Variants in NUP88 observed in about 807,000 individuals in gnomAD.
NUP88 encodes the protein nuclear pore complex protein Nup88.
A neutral mutation model predicts 93.9 loss-of-function variants in NUP88; 57 were observed. That is an observed-to-expected ratio of 0.61 (90% CI 0.49 to 0.76). The LOEUF is 0.76. NUP88 is among the 30% of genes least tolerant of loss of function. The probability of loss-of-function intolerance (pLI) is 0.00; values close to 1 mark genes in which losing one functional copy is unlikely to be tolerated. For missense variants in NUP88, 911 were observed against 901.0 expected, an observed-to-expected ratio of 1.01 and a Z score of -0.14; for synonymous variants, 346 against 336.8, an observed-to-expected ratio of 1.03 and a Z score of -0.30.
At chr17:5,395,959 C>T (rs1480771147) in intron 8 of NUP88, among the ~76,000 whole-genome samples, 1 of 152,072 alleles carries the variant, frequency 6.6e-6, no homozygotes, top group Non-Finnish European at 1.5e-5. Flanking sequence ...CCTGTAATTC[C>T]CAGCACTTTC....
In NUP88 at chr17:5,410,109, CTTAGA is replaced by C. The variant is rs918504389; in HGVS notation, c.680+589_680+593del. Among the ~76,000 whole-genome samples the C allele has an allele frequency of 1.3e-4, 20 of 152,280 alleles. 1 individual carries two copies. Among genetic ancestry groups the C allele is most frequent in the East Asian group, 1.9e-4 (1 of 5,188 alleles). ...ATCTGATTAAACTGATCTGATTAAA[CTTAGA>C]TTAAAGTAGAATGATGTGATTAAAC... is the stretch of plus-strand genomic sequence containing the variant. On this transcript the variant is annotated intron_variant, in intron 4 of 16. Coordinates refer to ENST00000573584, the MANE Select transcript of NUP88 (RefSeq NM_002532.6).
At chr17:5,387,190 G>A in intron 14 of NUP88, 80 bp from the exon 15 acceptor site, 1 of 1,510,134 alleles carries the variant, frequency 6.6e-7, no homozygotes, top group East Asian at 2.3e-5. Context: ...CATAATTCAT[G>A]AATCTGGTGT....
rs1223454606 is a variant in NUP88, at chr17:5,385,998, C to A, written c.*208G>T. 3.9e-6 allele frequency: 2 copies of A among 514,224 alleles called. No homozygotes were observed. The allele number at this position is 514,224 out of a possible 1,614,324, so 31.9% of individuals were successfully genotyped here. A position where few individuals can be genotyped will look rare whatever the true frequency, so the allele number is the denominator to read the frequency against. On this transcript the variant is annotated 3_prime_UTR_variant, in exon 17 of 17. Transcript: ENST00000573584. ...AATAATCCTGAGTCCTTGCTGAACA[C>A]AACTGTAGGCTTGAGTTATAAAGCA...
At chr17:5,416,818 C>T (rs1914179801) in intron 1 of NUP88, 136 bp from the exon 2 acceptor site, 1 of 657,470 alleles carries the variant, frequency 1.5e-6, no homozygotes, top group African/African-American at 2.0e-5. Flanking sequence ...CACACTTGTA[C>T]CATTAACTCA....
intron 1 of NUP88, chr17:5,418,144 CA>C (rs112597300): frequency 0.51 from 62,715 of 122,602 alleles, 13,872 homozygotes; most frequent in East Asian, 0.83. Flanking sequence ...AACTCCATCT[CA>C]AAAAAAAAAA....
At chr17:5,393,255 T>G (rs1912556061) in intron 9 of NUP88, among the ~76,000 whole-genome samples, 1 of 150,828 alleles carries the variant, frequency 6.6e-6, no homozygotes, top group Non-Finnish European at 1.5e-5. Flanking sequence ...ACGCCTGGCC[T>G]CACCTAGCTA....
intron 2 of NUP88, among the ~76,000 whole-genome samples, chr17:5,415,310 G>A (rs1226984859): frequency 2.0e-5 from 3 of 152,128 alleles, no homozygotes; most frequent in African/African-American, 4.8e-5. Flanking sequence ...GTGAGCCATC[G>A]TGCCTGGCTC....
rs142181241 is a variant in NUP88, at chr17:5,419,033, G to A, written c.297+321C>T. Reference sequence around the variant, plus strand: ...TAACCTATTATAAGCGTCACATCAGGAAACAGGTTTCTCTCGACGAAACTA... The same window carrying A: ...TAACCTATTATAAGCGTCACATCAGAAAACAGGTTTCTCTCGACGAAACTA... On this transcript the variant is annotated intron_variant, in intron 1 of 16. Coordinates refer to ENST00000573584, the MANE Select transcript of NUP88 (RefSeq NM_002532.6). Among the ~76,000 whole-genome samples the A allele has an allele frequency of 5.0e-3, 757 of 152,288 alleles. 2 individuals are homozygous for A. Among genetic ancestry groups the A allele is most frequent in the Middle Eastern group, 0.017 (5 of 294 alleles).
chr17:5,418,436 T>C (rs1009877376), intron 1 of NUP88, among the ~76,000 whole-genome samples: 15 of 152,052 alleles, frequency 9.9e-5, no homozygotes, highest in Admixed American at 6.5e-5. Flanking sequence ...GTATTTTTAG[T>C]AGAGACGGGG....
At chr17:5,398,064 G>A (rs1258663843) in intron 8 of NUP88, among the ~76,000 whole-genome samples, 1 of 151,546 alleles carries the variant, frequency 6.6e-6, no homozygotes, top group Non-Finnish European at 1.5e-5. Context: ...CCGCCACTAT[G>A]CCTGGCTAAT....
intron 7 of NUP88, among the ~76,000 whole-genome samples, chr17:5,402,608 T>C (rs1303222638): frequency 6.6e-6 from 1 of 152,220 alleles, no homozygotes; most frequent in Non-Finnish European, 1.5e-5. Flanking sequence ...TTACCAGAAC[T>C]AGGCAAACTG....
intron 8 of NUP88, among the ~76,000 whole-genome samples, chr17:5,397,941 CA>C (rs1158802955): frequency 6.7e-6 from 1 of 149,732 alleles, no homozygotes; most frequent in Non-Finnish European, 1.5e-5. Flanking sequence ...CTTGCTCTGT[CA>C]CCCAGGCTGG....
At chr17:5,393,438 T>C (rs1213900539) in intron 9 of NUP88, among the ~76,000 whole-genome samples, 2 of 140,622 alleles carry the variant, frequency 1.4e-5, no homozygotes, top group African/African-American at 5.7e-5. Context: ...CACTTTTCTT[T>C]TTTTTTTTTT....
intron 14 of NUP88, 130 bp downstream of exon 14, chr17:5,387,256 A>C: frequency 8.0e-7 from 1 of 1,243,456 alleles, no homozygotes; most frequent in South Asian, 1.3e-5. Flanking sequence ...TTTCCCCAAC[A>C]TATACTTCAG....
At chr17:5,413,487 G>C (rs966704549) in intron 3 of NUP88, among the ~76,000 whole-genome samples, 1 of 152,200 alleles carries the variant, frequency 6.6e-6, no homozygotes, top group African/African-American at 2.4e-5. Flanking sequence ...GGCCGATCCA[G>C]AAAGTTAGCT....
Position 5,387,893 on chromosome 17 carries a change from T to C in NUP88, c.1655A>G (p.Lys552Arg), listed in dbSNP as rs775432732. 6.2e-7 allele frequency: 1 copy of C among 1,612,240 alleles called. No homozygotes were observed. The highest frequency in any genetic ancestry group is 8.5e-7 in the Non-Finnish European group (1 of 1,179,166). ...ANPAFLKASE[K>R]DIAPPPEECL... ...TTCTTCAGGAGGAGGGGCTATGTCC[T>C]TTTCAGAAGCTCTTAAAAACAAAGT... The change falls in exon 12 of 17, where the codon AAG becomes AGG. Residue 552 changes from lysine to arginine, a missense_variant. Lys to Arg is a conservative substitution (Grantham distance 26). Transcript: ENST00000573584.
intron 5 of NUP88, among the ~76,000 whole-genome samples, 190 bp downstream of exon 5, chr17:5,408,543 C>A (rs1228625407): frequency 6.6e-6 from 1 of 152,094 alleles, no homozygotes; most frequent in Non-Finnish European, 1.5e-5. Flanking sequence ...TAGAACTTAC[C>A]CAAATAATAT....
At chr17:5,407,493 G>A (rs757470509) in intron 5 of NUP88, among the ~76,000 whole-genome samples, 3 of 152,114 alleles carry the variant, frequency 2.0e-5, no homozygotes, top group South Asian at 2.1e-4. Flanking sequence ...CTGTTAAGTC[G>A]ATTTACAAGC....
At chr17:5,393,053 T>C (rs1007052017) in intron 9 of NUP88, among the ~76,000 whole-genome samples, 14 of 151,580 alleles carry the variant, frequency 9.2e-5, no homozygotes, top group Non-Finnish European at 1.8e-4. Flanking sequence ...CCCAGGGTCA[T>C]ACGATTCTCC....
Sources: gnomAD v4.1 joint callset for allele counts (sites outside exome capture counted in the v4.1 genomes callset) on GRCh38, gnomAD v4.1.1 for gene constraint, MANE v1.5 for transcripts, NCBI Gene and HGNC (gene_info 2026-07-23, HGNC 2026-07-21) for gene names.